The following VPS39 variants were observed in gnomAD, a reference collection of about 807,000 sequenced individuals.
VPS39 encodes vam6/Vps39-like protein.
A neutral mutation model predicts 121.0 loss-of-function variants in VPS39; 70 were observed. The ratio of observed to expected loss-of-function variants is 0.58; its 90% CI spans 0.48 to 0.71. VPS39 has a LOEUF of 0.71. VPS39 is among the 30% of genes least tolerant of loss of function. The pLI, the probability that VPS39 is intolerant of heterozygous loss-of-function variation, is 0.00. For missense variants in VPS39, 818 were observed against 1,051.5 expected (o/e 0.78, Z 3.07); for synonymous variants, 378 against 398.1 (o/e 0.95, Z 0.60).
intron 8 of VPS39, 53 bp from the exon 9 acceptor site, chr15:42,178,623 T>C (rs151280754): frequency 6.2e-7 from 1 of 1,604,192 alleles, no homozygotes; most frequent in East Asian, 2.2e-5. Flanking sequence ...TTTGGGTTTA[T>C]GGAGTGTTTC....
At chr15:42,203,453 G>A (rs1302345738) in intron 1 of VPS39, among the ~76,000 whole-genome samples, 2 of 148,658 alleles carry the variant, frequency 1.3e-5, no homozygotes, top group African/African-American at 5.1e-5. Context: ...CAGCCTGGGT[G>A]ACGGGGCAGG....
intron 2 of VPS39, among the ~76,000 whole-genome samples, chr15:42,192,764 AT>A (rs1223905483): frequency 6.7e-6 from 1 of 149,560 alleles, no homozygotes; most frequent in East Asian, 2.0e-4. Flanking sequence ...CTCTTTTCTT[AT>A]TTTTTTGTTT....
At position 42,187,753 on chromosome 15, in the gene VPS39, C is replaced by T. The variant is rs1566904511; in HGVS notation, c.441+5G>A. The T allele has an allele frequency of 6.2e-7, 1 of 1,614,068 alleles. No individual in the cohort carries two copies. Among genetic ancestry groups the T allele is most frequent in the Non-Finnish European group, 8.5e-7 (1 of 1,179,948 alleles). ...CAACCATGGACCAAGGAACAGTGGACTTACCTGCAATTCATGAAATTCCCT... is the reference window on the plus strand; with the variant it reads ...CAACCATGGACCAAGGAACAGTGGATTTACCTGCAATTCATGAAATTCCCT... On this transcript the variant is annotated splice_donor_5th_base_variant and intron_variant, in intron 6 of 24. Coordinates refer to ENST00000318006, the MANE Select transcript of VPS39 (RefSeq NM_015289.5).
intron 10 of VPS39, among the ~76,000 whole-genome samples, chr15:42,177,177 A>C (rs544597356): frequency 8.7e-4 from 132 of 151,376 alleles, no homozygotes; most frequent in African/African-American, 2.9e-3. Context: ...AAAAAAAAAA[A>C]AAAAAAAAAA....
Position 42,178,213 on chromosome 15 carries a change from C to G in VPS39, c.960+5G>C. The G allele has an allele frequency of 6.2e-7, 1 of 1,614,150 alleles. No individual in the cohort carries two copies. Among genetic ancestry groups the G allele is most frequent in the Non-Finnish European group, 8.5e-7 (1 of 1,180,008 alleles). ...GAAGGAAGACTAGTCAGGAACAAGACTTACTGCGAGCTGCAGAGCCAATTC... is the reference window on the plus strand; with the variant it reads ...GAAGGAAGACTAGTCAGGAACAAGAGTTACTGCGAGCTGCAGAGCCAATTC... On this transcript the variant is annotated splice_donor_5th_base_variant and intron_variant, in intron 10 of 24. Coordinates refer to ENST00000318006, the MANE Select transcript of VPS39 (RefSeq NM_015289.5).
intron 12 of VPS39, among the ~76,000 whole-genome samples, chr15:42,169,126 T>C (rs1566893321): frequency 1.3e-5 from 2 of 152,236 alleles, no homozygotes; most frequent in Non-Finnish European, 2.9e-5. Context: ...AGGACATTTA[T>C]TGATAAGGAA....
At chr15:42,206,382 C>T (rs11635434) in intron 1 of VPS39, among the ~76,000 whole-genome samples, 1 of 152,160 alleles carries the variant, frequency 6.6e-6, no homozygotes, top group East Asian at 1.9e-4. Context: ...TAATATGTAC[C>T]TAAGCACCTT....
Position 42,191,183 on chromosome 15 carries a change from T to A in VPS39, c.205-16A>T. 1 of 1,613,966 alleles carries A rather than the reference T, an allele frequency of 6.2e-7. No homozygotes were observed. The highest frequency in any genetic ancestry group is 8.5e-7 in the Non-Finnish European group (1 of 1,179,890). ...CCACATGGATCTGGAAAATAGGAAATCATGAGACCCAATTAAACATTTCTG... is the reference window on the plus strand; with the variant it reads ...CCACATGGATCTGGAAAATAGGAAAACATGAGACCCAATTAAACATTTCTG... On this transcript the variant is annotated splice_polypyrimidine_tract_variant and intron_variant, in intron 3 of 24. Coordinates refer to ENST00000318006, the MANE Select transcript of VPS39 (RefSeq NM_015289.5).
At chr15:42,197,189 G>T (rs1349105461) in intron 2 of VPS39, among the ~76,000 whole-genome samples, 3 of 113,244 alleles carry the variant, frequency 2.6e-5, no homozygotes, top group Middle Eastern at 5.7e-3. Flanking sequence ...GGTGGGGGGA[G>T]GGGGGAGGGA....
Position 42,166,503 on chromosome 15 carries a change from A to G in VPS39, c.1606+60T>C, listed in dbSNP as rs1022730302. 13 of 1,576,584 alleles carry G rather than the reference A, an allele frequency of 8.2e-6. No individual in the cohort carries two copies. The African/African-American group carries it at 1.3e-4, about 16-fold the overall frequency. ...AGCAACCAACCAGAAACAGAAACAG[A>G]GGGAGACCAGGTCATTTGAACAGGA... On this transcript the variant is annotated intron_variant, in intron 15 of 24. Coordinates refer to ENST00000318006, the MANE Select transcript of VPS39 (RefSeq NM_015289.5).
In VPS39 at chr15:42,165,153, G is replaced by T. The variant is rs2049217386; in HGVS notation, c.1780-40C>A. 2.5e-6 allele frequency: 4 copies of T among 1,590,186 alleles called. No individual in the cohort carries two copies. The Admixed American group carries it at 6.7e-5, about 27-fold the overall frequency. ...AGGTCTTTGTCACTGGTATTCTCCA[G>T]GCTGTGACCTGGTCTCCCAGCCTCC... is the stretch of plus-strand genomic sequence containing the variant. On this transcript the variant is annotated intron_variant, in intron 17 of 24. Coordinates refer to ENST00000318006, the MANE Select transcript of VPS39 (RefSeq NM_015289.5).
chr15:42,178,594 A>T (rs766098937), intron 8 of VPS39, 24 bp from the exon 9 acceptor site: 1 of 1,613,120 alleles, frequency 6.2e-7, no homozygotes, highest in South Asian at 1.1e-5. Context: ...CATACACAGC[A>T]GTTGTTCCGG....
intron 1 of VPS39, among the ~76,000 whole-genome samples, chr15:42,201,579 G>A (rs629255): frequency 0.066 from 10,051 of 152,146 alleles, 869 homozygotes; most frequent in African/African-American, 0.18. Flanking sequence ...GCTCTACCCC[G>A]GAGCATCTGA....
chr15:42,163,327 C>T (rs1356925161), intron 21 of VPS39, 23 bp downstream of exon 21: 2 of 1,614,196 alleles, frequency 1.2e-6, no homozygotes, highest in South Asian at 1.1e-5. Flanking sequence ...ACACGTGCTC[C>T]CTGGGTCAGG....
rs780766569 is a variant in VPS39, at chr15:42,160,816, A to G, written c.2566T>C (p.Tyr856His). The change falls in exon 25 of 25, where the codon TAC becomes CAC. Residue 856 changes from tyrosine to histidine, a missense_variant. Tyr to His is a moderately conservative substitution (Grantham distance 83). Coordinates refer to ENST00000318006, the MANE Select transcript of VPS39 (RefSeq NM_015289.5). ...TAATGGACGACCACTCCATTGGGGTATCTTGCAAATGCACTGCAGGGAAGA... is the reference window on the plus strand; with the variant it reads ...TAATGGACGACCACTCCATTGGGGTGTCTTGCAAATGCACTGCAGGGAAGA... ...KKIGNSAFAR[Y>H]PNGVVVHYFC... is the part of the protein sequence containing the mutation. The G allele has an allele frequency of 2.5e-6, 4 of 1,614,152 alleles. No individual in the cohort carries two copies. The South Asian group carries it at 4.4e-5, about 18-fold the overall frequency.
intron 4 of VPS39, among the ~76,000 whole-genome samples, chr15:42,190,782 TC>T (rs1400740221): frequency 6.6e-6 from 1 of 152,232 alleles, no homozygotes; most frequent in Non-Finnish European, 1.5e-5. Context: ...CGTGATTACT[TC>T]CTGTCATTTA....
chr15:42,176,797 A>C (rs1013871191), intron 10 of VPS39, among the ~76,000 whole-genome samples: 5 of 152,198 alleles, frequency 3.3e-5, no homozygotes. Flanking sequence ...TTCCTTTTAG[A>C]AATAGTTTAC....
chr15:42,180,720 T>C (rs1009342882), intron 8 of VPS39, among the ~76,000 whole-genome samples: 2 of 152,236 alleles, frequency 1.3e-5, no homozygotes, highest in Non-Finnish European at 2.9e-5. Context: ...GTTTGTATAC[T>C]ATATGAAACA....
At chr15:42,203,105 C>T (rs1046877692) in intron 1 of VPS39, among the ~76,000 whole-genome samples, 2 of 151,718 alleles carry the variant, frequency 1.3e-5, no homozygotes, top group South Asian at 2.1e-4. Flanking sequence ...CCGAAGTGGG[C>T]GAATCACTGG....
Sources: gnomAD v4.1 joint callset for allele counts (sites outside exome capture counted in the v4.1 genomes callset) on GRCh38, gnomAD v4.1.1 for gene constraint, MANE v1.5 for transcripts, NCBI Gene and HGNC (gene_info 2026-07-23, HGNC 2026-07-21) for gene names.